LTA4H: variants seen among roughly 807,000 people sequenced by gnomAD.
LTA4H encodes the protein leukotriene A4 hydrolase.
In LTA4H, 59 loss-of-function variants were observed where a neutral mutation model predicts 89.8. The ratio of observed to expected loss-of-function variants is 0.66; its 90% CI spans 0.53 to 0.82. The LOEUF (loss-of-function observed/expected upper bound fraction) is 0.82. Ranked by LOEUF, LTA4H falls within the 40% of genes least tolerant of loss-of-function variation. The pLI is 0.00. For missense variants in LTA4H, 617 were observed against 727.0 expected (o/e 0.85, Z 1.74); for synonymous variants, 227 against 253.1 (o/e 0.90, Z 0.98).
At chr12:96,013,686 C>T in intron 13 of LTA4H, 64 bp downstream of exon 13, 1 of 836,526 alleles carries the variant, frequency 1.2e-6, no homozygotes, top group East Asian at 2.5e-5. Context: ...TACAAGTTAA[C>T]CTAATCAGTC....
At chr12:96,037,858 G>T (rs3759215), upstream of LTA4H, among the ~76,000 whole-genome samples, 15,567 of 151,616 alleles carry the variant, frequency 0.1, 1,027 homozygotes, top group East Asian at 0.3. Flanking sequence ...CTAATTTTTT[G>T]TGTGTGTATT....
At chr12:96,027,118 T>C (rs1410539942) in intron 3 of LTA4H, among the ~76,000 whole-genome samples, 4 of 152,176 alleles carry the variant, frequency 2.6e-5, no homozygotes, top group Non-Finnish European at 4.4e-5. Flanking sequence ...CCAGTACATA[T>C]TATTTATTAA....
upstream of LTA4H, chr12:96,035,592 T>TGAGGAGGAGGGAGAGAGGTAAAGAA: frequency 2.7e-6 from 4 of 1,494,384 alleles, no homozygotes; most frequent in Non-Finnish European, 3.6e-6. Context: ...ATAGAGAACC[T>TGAGGAGGAGGGAGAGAGGTAAAGAA]GAGGAGGAGG....
intron 15 of LTA4H, among the ~76,000 whole-genome samples, chr12:96,008,058 A>G (rs1419365982): frequency 6.6e-6 from 1 of 152,198 alleles, no homozygotes; most frequent in Non-Finnish European, 1.5e-5. Flanking sequence ...GGGCACTACT[A>G]GGAGTGGGGC....
chr12:96,002,817 TAA>T, intron 18 of LTA4H, 141 bp downstream of exon 18: 3 of 597,722 alleles, frequency 5.0e-6, no homozygotes, highest in Non-Finnish European at 8.9e-6. Context: ...TAAATATTTA[TAA>T]GTGTGAATCC....
chr12:96,020,834 C>T (rs984486351), intron 6 of LTA4H: 2 of 371,156 alleles, frequency 5.4e-6, no homozygotes, highest in Non-Finnish European at 9.8e-6. Context: ...TTCAAGCTTA[C>T]ATGAGAATCC....
At chr12:96,026,750 GCA>G (rs1212225546) in intron 3 of LTA4H, among the ~76,000 whole-genome samples, 1 of 152,102 alleles carries the variant, frequency 6.6e-6, no homozygotes, top group Non-Finnish European at 1.5e-5. Context: ...TGGAAATAGA[GCA>G]AACGTTTAAT....
intron 15 of LTA4H, among the ~76,000 whole-genome samples, chr12:96,007,091 AT>A (rs1353153271): frequency 1.2e-4 from 18 of 152,336 alleles, no homozygotes; most frequent in Admixed American, 1.3e-4. Flanking sequence ...AGAAGGAAAA[AT>A]TCTTTTGGAT....
At chr12:96,042,438 GA>G (rs1227624732) in intron 1 of LTA4H, among the ~76,000 whole-genome samples, 1 of 151,878 alleles carries the variant, frequency 6.6e-6, no homozygotes, top group Non-Finnish European at 1.5e-5. Context: ...CTTAAAGCAT[GA>G]TTAAACAAGT....
At chr12:96,037,804 T>A (rs1566021108), upstream of LTA4H, among the ~76,000 whole-genome samples, 1 of 149,356 alleles carries the variant, frequency 6.7e-6, no homozygotes, top group Non-Finnish European at 1.5e-5. Context: ...ACCGTTCTCC[T>A]GCCTGAGCCT....
At position 96,022,081 on chromosome 12, in the gene LTA4H, G is replaced by T; in HGVS notation, c.585+66C>A. 2 of 973,286 alleles carry T rather than the reference G, an allele frequency of 2.1e-6. No individual in the cohort carries two copies. Among genetic ancestry groups the T allele is most frequent in the Non-Finnish European group, 3.2e-6 (2 of 618,690 alleles). The allele number at this position is 973,286 out of a possible 1,614,324, so 60.3% of individuals were successfully genotyped here. ...TATTTCAAAAGTAATTTTGCCCTCT[G>T]GATGTGTACAAGCTAACTGTAGTTT... On this transcript the variant is annotated intron_variant, in intron 5 of 18. Transcript: ENST00000228740. The surrounding 1 kb of genome is among the most constrained non-coding windows in gnomAD (Gnocchi z 4.0).
At chr12:96,013,570 A>G (rs1282717950) in intron 13 of LTA4H, among the ~76,000 whole-genome samples, 180 bp downstream of exon 13, 1 of 152,184 alleles carries the variant, frequency 6.6e-6, no homozygotes, top group Non-Finnish European at 1.5e-5. Context: ...CTGAAATAGG[A>G]AAATTCTACA....
In LTA4H at chr12:96,029,196, TA is replaced by T. The variant is rs778992372; in HGVS notation, c.160-12del. 7.1e-7 allele frequency: 1 copy of T among 1,416,750 alleles called. No individual in the cohort carries two copies. Among genetic ancestry groups the T allele is most frequent in the African/African-American group, 1.5e-5 (1 of 68,692 alleles). 87.8% of individuals were successfully genotyped at this position (1,416,750 alleles called of 1,614,324 possible). ...CTTTGTATCCAAAACCTAAAATTAA[TA>T]TTTTTAAATAGTAAGAAAATAGTTT... On this transcript the variant is annotated splice_polypyrimidine_tract_variant and intron_variant, in intron 1 of 18. Transcript: ENST00000228740.
chr12:96,002,137 G>A (rs898447399), intron 18 of LTA4H, among the ~76,000 whole-genome samples: 19 of 152,154 alleles, frequency 1.2e-4, no homozygotes, highest in Admixed American at 9.2e-4. Flanking sequence ...GATTACAGGC[G>A]TGAGCCACCG....
chr12:96,034,716 C>A (rs1950616758), intron 1 of LTA4H, among the ~76,000 whole-genome samples: 1 of 152,212 alleles, frequency 6.6e-6, no homozygotes, highest in African/African-American at 2.4e-5. Flanking sequence ...GGCTGGAAAT[C>A]CTAAGAGGCT....
chr12:96,001,169 G>C, intron 18 of LTA4H, 63 bp from the exon 19 acceptor site: 1 of 1,010,908 alleles, frequency 9.9e-7, no homozygotes, highest in South Asian at 1.3e-5. Context: ...AGGAGAAAGG[G>C]AGGGAGAGAA....
In LTA4H at chr12:96,029,280, G is replaced by T. The variant is rs533793742; in HGVS notation, c.160-95C>A. 4 of 628,036 alleles carry T rather than the reference G, an allele frequency of 6.4e-6. No homozygotes were observed. The Admixed American group carries it at 1.4e-4, about 22-fold the overall frequency. 38.9% of individuals were successfully genotyped at this position (628,036 alleles called of 1,614,324 possible). The stretch of plus-strand genomic sequence containing the variant: ...GCTACAACAACTAGTTGCTTATGGA[G>T]AGTAAAATACAGAGTGAAATTAGAA... On this transcript the variant is annotated intron_variant, in intron 1 of 18. Coordinates refer to ENST00000228740, the MANE Select transcript of LTA4H (RefSeq NM_000895.3).
chr12:96,018,961 T>G lies in LTA4H; in HGVS notation c.712-58A>C, dbSNP rs144036400. On this transcript the variant is annotated intron_variant, in intron 7 of 18. Transcript: ENST00000228740. Reference sequence around the variant, plus strand: ...TTAATTATCACCATTGTACATTTCTTAAAATTGTATATTGCTTTCTATGAA... The same window carrying G: ...TTAATTATCACCATTGTACATTTCTGAAAATTGTATATTGCTTTCTATGAA... 1.2e-4 allele frequency: 164 copies of G among 1,413,236 alleles called. No individual in the cohort carries two copies. In the African/African-American group the frequency reaches 2.1e-3, roughly 18 times the overall value. 87.5% of individuals were successfully genotyped at this position (1,413,236 alleles called of 1,614,324 possible).
intron 14 of LTA4H, chr12:96,011,446 C>T (rs1391269767): frequency 6.6e-6 from 1 of 152,186 alleles, no homozygotes; most frequent in African/African-American, 2.4e-5. Flanking sequence ...TGCTACCTTT[C>T]CTCTGTCCTA....
Sources: gnomAD v4.1 joint callset for allele counts (sites outside exome capture counted in the v4.1 genomes callset) on GRCh38, gnomAD v4.1.1 for gene constraint, Gnocchi (gnomAD v3.1) non-coding constraint, MANE v1.5 for transcripts, NCBI Gene and HGNC (gene_info 2026-07-23, HGNC 2026-07-21) for gene names.